The following SLIT2 variants were observed in gnomAD, a reference collection of about 807,000 sequenced individuals.
The protein encoded by SLIT2 is slit guidance ligand 2, also known as slit homolog 2 protein.
SLIT2 carries 41 observed loss-of-function variants against 185.7 expected under a neutral mutation model. That is an observed-to-expected ratio of 0.22 (90% CI 0.17 to 0.29). The LOEUF is 0.29. SLIT2 is among the 10% of genes least tolerant of loss of function. SLIT2 has a pLI of 1.00. For synonymous variants in SLIT2, 693 were observed against 680.2 expected, an observed-to-expected ratio of 1.02 and a Z score of -0.29; for missense variants, 1,571 against 1,909.0, an observed-to-expected ratio of 0.82 and a Z score of 3.30.
At chr4:20,359,352 T>A (rs1420421134) in intron 4 of SLIT2, among the ~76,000 whole-genome samples, 1 of 152,098 alleles carries the variant, frequency 6.6e-6, no homozygotes, top group Non-Finnish European at 1.5e-5. Flanking sequence ...GAGGGATTTC[T>A]GGTTAGGTCC....
At chr4:20,597,630 C>G (rs1379590458) in intron 32 of SLIT2, among the ~76,000 whole-genome samples, 2 of 152,136 alleles carry the variant, frequency 1.3e-5, no homozygotes, top group African/African-American at 4.8e-5. Context: ...CATGTAGACA[C>G]CACCCCTTTT....
At position 20,444,950 on chromosome 4, in the gene SLIT2, A is replaced by G. The variant is rs147202377; in HGVS notation, c.396-22802A>G. On this transcript the variant is annotated intron_variant, in intron 4 of 36. Transcript: ENST00000504154. ...GCATTCTGTCTAGAAACCCTAACCC[A>G]TACTTTCTTTGTATTTATAATAATA... Among the ~76,000 whole-genome samples the G allele has an allele frequency of 5.3e-5, 8 of 152,222 alleles. No individual in the cohort carries two copies. In the East Asian group the frequency reaches 1.5e-3, roughly 29 times the overall value.
chr4:20,461,922 A>G (rs1042192534), intron 4 of SLIT2, among the ~76,000 whole-genome samples: 5 of 152,142 alleles, frequency 3.3e-5, no homozygotes, highest in Non-Finnish European at 5.9e-5. Flanking sequence ...ATCCATGAAG[A>G]GTGTTGATGA....
rs116685648 is a variant in SLIT2 at position 20,471,932 on chromosome 4, T to G, written c.467+4109T>G. Among the ~76,000 whole-genome samples the G allele has an allele frequency of 4.9e-3, 740 of 152,134 alleles. 10 individuals are homozygous for G. Among genetic ancestry groups the G allele is most frequent in the African/African-American group, 0.017 (689 of 41,538 alleles). On this transcript the variant is annotated intron_variant, in intron 5 of 36. Coordinates refer to ENST00000504154, the MANE Select transcript of SLIT2 (RefSeq NM_004787.4). Reference sequence around the variant, plus strand: ...CTTAACTCGATTAAATTTTTTTACATTTTATTTTGCTACCTTATTTTCTCC... The same window carrying G: ...CTTAACTCGATTAAATTTTTTTACAGTTTATTTTGCTACCTTATTTTCTCC...
At chr4:20,315,066 G>A (rs189837625) in intron 4 of SLIT2, among the ~76,000 whole-genome samples, 30 of 151,970 alleles carry the variant, frequency 2.0e-4, no homozygotes, top group African/African-American at 7.0e-4. Context: ...CCAAGGTTCT[G>A]CATTTTTAGT....
chr4:20,538,142 A>G (rs1212902739), intron 18 of SLIT2, among the ~76,000 whole-genome samples: 2 of 151,972 alleles, frequency 1.3e-5, no homozygotes, highest in African/African-American at 2.4e-5. Flanking sequence ...TTGTATTTTT[A>G]GTAGAGACCA....
chr4:20,482,318 T>G (rs1560463900), intron 6 of SLIT2, among the ~76,000 whole-genome samples: 1 of 152,006 alleles, frequency 6.6e-6, no homozygotes, highest in Non-Finnish European at 1.5e-5. Flanking sequence ...TTATTAAGTT[T>G]TCAGATGTAG....
intron 17 of SLIT2, chr4:20,533,323 T>C (rs1395562296): frequency 1.0e-5 from 4 of 387,184 alleles, no homozygotes; most frequent in Non-Finnish European, 1.9e-5. Context: ...AAGAATTTTA[T>C]ACTCCTGGAG....
chr4:20,431,924 A>G (rs952458151), intron 4 of SLIT2, among the ~76,000 whole-genome samples: 1 of 152,058 alleles, frequency 6.6e-6, no homozygotes, highest in Non-Finnish European at 1.5e-5. Flanking sequence ...ACTGATACAA[A>G]TGATAACTAA....
In SLIT2 at chr4:20,528,824, C is replaced by T; in HGVS notation, c.1463-125C>T. Reference sequence around the variant, plus strand: ...AACCTTTCTCCTGACATCCATTGACCAAAATACCCCAAGTTGTCTCCCTGC... The same window carrying T: ...AACCTTTCTCCTGACATCCATTGACTAAAATACCCCAAGTTGTCTCCCTGC... On this transcript the variant is annotated intron_variant, in intron 15 of 36. Coordinates refer to ENST00000504154, the MANE Select transcript of SLIT2 (RefSeq NM_004787.4). The surrounding 1 kb of genome is among the most constrained non-coding windows in gnomAD (Gnocchi z 4.2). The T allele has an allele frequency of 1.4e-6, 1 of 702,058 alleles. No individual in the cohort carries two copies. Among genetic ancestry groups the T allele is most frequent in the Admixed American group, 2.9e-5 (1 of 34,754 alleles). The allele number at this position is 702,058 out of a possible 1,614,324, so 43.5% of individuals were successfully genotyped here.
rs143964894 is a variant in SLIT2 at position 20,283,120 on chromosome 4, G to GCGCGCACACACA, written c.395+14240_395+14241insGCGCACACACAC. On this transcript the variant is annotated intron_variant, in intron 4 of 36. Coordinates refer to ENST00000504154, the MANE Select transcript of SLIT2 (RefSeq NM_004787.4). ...TGCCTGTGTGCCTGTGTGCGCGCGC[G>GCGCGCACACACA]CACACACACACACACACACACACAA... 1.2e-3 allele frequency among the ~76,000 whole-genome samples: 185 copies of GCGCGCACACACA among 149,948 alleles called. 1 individual carries two copies. The highest frequency in any genetic ancestry group is 6.5e-3 in the East Asian group (32 of 4,952).
intron 4 of SLIT2, among the ~76,000 whole-genome samples, chr4:20,398,542 A>G (rs1361486676): frequency 6.6e-6 from 1 of 151,720 alleles, no homozygotes; most frequent in Non-Finnish European, 1.5e-5. Context: ...AGGATGTTTT[A>G]TCTACTTTCA....
chr4:20,488,903 G>A lies in SLIT2; in HGVS notation c.696G>A (p.Leu232=). 6.2e-7 allele frequency: 1 copy of A among 1,612,874 alleles called. No homozygotes were observed. The highest frequency in any genetic ancestry group is 8.5e-7 in the Non-Finnish European group (1 of 1,179,056). The change falls in exon 8 of 37, where the codon CTG becomes CTA. Residue 232 remains leucine (L), a synonymous_variant. Transcript: ENST00000504154. ...DWLRQRPRVG[L]YTQCMGPSHL... ...TTCGCCAAAGGCCTCGGGTTGGTCT[G>A]TACACTCAGTGTATGGGCCCCTCCC...
At chr4:20,391,480 C>T (rs1236026519) in intron 4 of SLIT2, among the ~76,000 whole-genome samples, 1 of 152,058 alleles carries the variant, frequency 6.6e-6, no homozygotes, top group Non-Finnish European at 1.5e-5. Flanking sequence ...CAGAAGCTGA[C>T]TATATTGTTC....
chr4:20,577,842 A>G (rs1260358408), intron 29 of SLIT2, among the ~76,000 whole-genome samples: 4 of 152,220 alleles, frequency 2.6e-5, no homozygotes, highest in African/African-American at 9.6e-5. Context: ...AAATTTGGTA[A>G]TGATAAACAT....
intron 4 of SLIT2, among the ~76,000 whole-genome samples, chr4:20,454,664 G>A (rs1712858675): frequency 6.6e-6 from 1 of 152,220 alleles, no homozygotes; most frequent in African/African-American, 2.4e-5. Context: ...GCCATCTAAA[G>A]CAAATTTATT....
chr4:20,594,106 CACATATATATACACATGTGCATATATAT>C (rs1441519078), intron 30 of SLIT2, among the ~76,000 whole-genome samples: 1 of 146,898 alleles, frequency 6.8e-6, no homozygotes, highest in African/African-American at 2.6e-5. Context: ...CTCATATATA[CACATATATATACACATGTGCATATATAT>C]ACATATATAC....
chr4:20,252,611 G>A lies in SLIT2; in HGVS notation c.-1205G>A, dbSNP rs1722130724. The stretch of plus-strand genomic sequence containing the variant: ...GGCCGGCCGTGGCTCTGCGCCCTCC[G>A]GAACCCGGCTCTTGTTTCTTCTACC... On this transcript the variant is annotated 5_prime_UTR_variant, in exon 1 of 37. Coordinates refer to ENST00000504154, the MANE Select transcript of SLIT2 (RefSeq NM_004787.4). Among the ~76,000 whole-genome samples the A allele has an allele frequency of 6.6e-6, 1 of 152,228 alleles. No individual in the cohort carries two copies. Among genetic ancestry groups the A allele is most frequent in the South Asian group, 2.1e-4 (1 of 4,836 alleles).
rs375569027 is a variant in SLIT2 at position 20,253,825 on chromosome 4, G to A, written c.10G>A (p.Val4Ile). Residue 4 changes from valine (V) to isoleucine (I), a missense_variant, in exon 1 of 37, where the codon GTT (valine) becomes ATT (isoleucine). Physicochemically the swap from Val to Ile is conservative, Grantham distance 29. Coordinates refer to ENST00000504154, the MANE Select transcript of SLIT2 (RefSeq NM_004787.4). ...GAGGCGGCGGGGAAAGATGCGCGGCGTTGGCTGGCAGATGCTGTCCCTGTC... is the reference window on the plus strand; with the variant it reads ...GAGGCGGCGGGGAAAGATGCGCGGCATTGGCTGGCAGATGCTGTCCCTGTC... Reference protein sequence around the residue: MRGVGWQMLSLSLG... With the variant: MRGIGWQMLSLSLG... 1.7e-5 allele frequency: 27 copies of A among 1,598,984 alleles called. No individual in the cohort carries two copies. Among genetic ancestry groups the A allele is most frequent in the Non-Finnish European group, 2.1e-5 (25 of 1,179,504 alleles).
Sources: allele counts gnomAD v4.1 joint callset (sites outside exome capture counted in the v4.1 genomes callset), GRCh38; gene constraint gnomAD v4.1.1; non-coding constraint Gnocchi (gnomAD v3.1); transcripts MANE v1.5; gene names NCBI Gene and HGNC (gene_info 2026-07-23, HGNC 2026-07-21).